TLE1: variants seen among roughly 807,000 people sequenced by gnomAD.
TLE1 encodes TLE family member 1, transcriptional corepressor, also known as transducin-like enhancer protein 1.
TLE1 carries 21 observed loss-of-function variants against 89.8 expected under a neutral mutation model. The observed-to-expected ratio is 0.23, with a 90% CI of 0.17 to 0.34. TLE1 has a LOEUF of 0.34. TLE1 is among the 10% of genes least tolerant of loss of function. The pLI, the probability that TLE1 is intolerant of heterozygous loss-of-function variation, is 1.00. For synonymous variants in TLE1, 447 were observed against 407.6 expected (o/e 1.10, Z -1.16); for missense variants, 795 against 1,031.2 (o/e 0.77, Z 3.14).
intron 6 of TLE1, among the ~76,000 whole-genome samples, chr9:81,634,781 T>C (rs935355858): frequency 3.3e-5 from 5 of 152,132 alleles, no homozygotes; most frequent in Non-Finnish European, 7.4e-5. Flanking sequence ...CATCCCACAA[T>C]ATAGTAGCCA....
intron 14 of TLE1, among the ~76,000 whole-genome samples, chr9:81,599,421 A>G (rs530690023): frequency 3.3e-5 from 5 of 152,174 alleles, no homozygotes; most frequent in South Asian, 2.1e-4. Flanking sequence ...CGTGAGCAAC[A>G]TAAGGCATGT....
intron 11 of TLE1, among the ~76,000 whole-genome samples, chr9:81,615,727 A>AAG (rs1373733149): frequency 6.1e-5 from 9 of 147,122 alleles, no homozygotes; most frequent in East Asian, 2.0e-4. Flanking sequence ...AAAAAAAAAA[A>AAG]AAGAAGAAGA....
intron 13 of TLE1, 77 bp downstream of exon 13, chr9:81,611,692 T>G (rs1823728370): frequency 4.5e-6 from 6 of 1,335,472 alleles, no homozygotes; most frequent in South Asian, 3.9e-5. Flanking sequence ...CAGAGAGGCC[T>G]GGCCCCAAAC....
chr9:81,636,537 C>T (rs1182712730), intron 6 of TLE1, among the ~76,000 whole-genome samples: 1 of 151,994 alleles, frequency 6.6e-6, no homozygotes, highest in African/African-American at 2.4e-5. Flanking sequence ...ATGAGAGAGG[C>T]TAAGCAGAGG....
rs368206711 is a variant in TLE1 at position 81,598,077 on chromosome 9, C to T, written c.1332-4803G>A. Among the ~76,000 whole-genome samples the T allele has an allele frequency of 5.3e-5, 8 of 152,286 alleles. No individual in the cohort carries two copies. The East Asian group carries it at 9.7e-4, about 18-fold the overall frequency. On this transcript the variant is annotated intron_variant, in intron 14 of 19. Transcript: ENST00000376499. ...GGCTGTGGTCAAGCCCCGCTGCCTACGGACTTGGCACTCTGGATGTGAAAT... is the reference window on the plus strand; with the variant it reads ...GGCTGTGGTCAAGCCCCGCTGCCTATGGACTTGGCACTCTGGATGTGAAAT...
At chr9:81,664,984 GT>G (rs141691769) in intron 4 of TLE1, among the ~76,000 whole-genome samples, 4,260 of 152,230 alleles carry the variant, frequency 0.028, 220 homozygotes, top group African/African-American at 0.095. Flanking sequence ...CACCTGCCAG[GT>G]GCTCTGACAC....
Position 81,613,547 on chromosome 9 carries a change from A to G in TLE1, c.919-26T>C, listed in dbSNP as rs779913750. 6.2e-6 allele frequency: 10 copies of G among 1,611,680 alleles called. No homozygotes were observed. The African/African-American group carries it at 1.3e-4, about 22-fold the overall frequency. On this transcript the variant is annotated intron_variant, in intron 11 of 19. Transcript: ENST00000376499. Reference sequence around the variant, plus strand: ...CTGGTGTCATTAAACAAATTAAATGAGTATTATTTTTAATCCAAGCCATAT... The same window carrying G: ...CTGGTGTCATTAAACAAATTAAATGGGTATTATTTTTAATCCAAGCCATAT...
At position 81,591,072 on chromosome 9, in the gene TLE1, C is replaced by T. The variant is rs749019160; in HGVS notation, c.1582-20G>A. The T allele has an allele frequency of 1.9e-6, 3 of 1,604,466 alleles. No individual in the cohort carries two copies. Among genetic ancestry groups the T allele is most frequent in the Non-Finnish European group, 2.6e-6 (3 of 1,172,572 alleles). Reference sequence around the variant, plus strand: ...TCTGTTCTGTAGAATAAACATAATTCATTGCTATAATGAATTACCGAGCAA... The same window carrying T: ...TCTGTTCTGTAGAATAAACATAATTTATTGCTATAATGAATTACCGAGCAA... On this transcript the variant is annotated intron_variant, in intron 15 of 19. Coordinates refer to ENST00000376499, the MANE Select transcript of TLE1 (RefSeq NM_005077.5).
At chr9:81,589,844 C>A (rs76625462) in intron 16 of TLE1, among the ~76,000 whole-genome samples, 12,995 of 152,218 alleles carry the variant, frequency 0.085, 740 homozygotes, top group Admixed American at 0.12. Context: ...ATTTTGCTCA[C>A]CTACACTACC....
At chr9:81,682,402 A>G (rs989498322) in intron 4 of TLE1, among the ~76,000 whole-genome samples, 1 of 152,034 alleles carries the variant, frequency 6.6e-6, no homozygotes, top group African/African-American at 2.4e-5. Context: ...TACCCAATCT[A>G]CTCTGGAGGA....
intron 15 of TLE1, among the ~76,000 whole-genome samples, chr9:81,591,789 T>C (rs1452939839): frequency 6.6e-6 from 1 of 152,214 alleles, no homozygotes; most frequent in Non-Finnish European, 1.5e-5. Context: ...AAGAATTTCA[T>C]GAATGAAGAC....
At chr9:81,596,016 A>G (rs1485941992) in intron 14 of TLE1, among the ~76,000 whole-genome samples, 2 of 152,032 alleles carry the variant, frequency 1.3e-5, no homozygotes, top group Non-Finnish European at 2.9e-5. Flanking sequence ...TCCATGAGGC[A>G]CCCTTTCATC....
At chr9:81,595,814 C>CAA (rs11301991) in intron 14 of TLE1, among the ~76,000 whole-genome samples, 3 of 106,648 alleles carry the variant, frequency 2.8e-5, no homozygotes, top group East Asian at 2.7e-4. Context: ...GACTCTGTCT[C>CAA]AAAAAAAAAA....
At chr9:81,687,892 G>C (rs1007910306) in intron 1 of TLE1, among the ~76,000 whole-genome samples, 5 of 152,110 alleles carry the variant, frequency 3.3e-5, no homozygotes, top group Non-Finnish European at 7.4e-5. Context: ...AAATAGGCGA[G>C]AGGAGAAACA....
rs531369516 is a variant in TLE1, at chr9:81,660,564, C to T, written c.235-6528G>A. 2.9e-3 allele frequency among the ~76,000 whole-genome samples: 432 copies of T among 151,544 alleles called. 1 individual carries two copies. The highest frequency in any genetic ancestry group is 4.2e-3 in the Non-Finnish European group (286 of 67,852). On this transcript the variant is annotated intron_variant, in intron 4 of 19. Transcript: ENST00000376499. ...GAGTAGCTGGGACTACAGGTGCCTG[C>T]TACCACACCCGGCTAATTTTTTTTT...
At chr9:81,679,115 T>A (rs943752081) in intron 4 of TLE1, among the ~76,000 whole-genome samples, 4 of 152,090 alleles carry the variant, frequency 2.6e-5, no homozygotes, top group African/African-American at 7.2e-5. Flanking sequence ...GCTACTATAC[T>A]CCAGTCTGGG....
At chr9:81,590,058 A>T (rs549047973) in intron 16 of TLE1, among the ~76,000 whole-genome samples, 53 of 152,356 alleles carry the variant, frequency 3.5e-4, no homozygotes, top group African/African-American at 1.1e-3. Flanking sequence ...CACCATCCGC[A>T]GGGACGGCTT....
At chr9:81,677,244 C>A (rs998358524) in intron 4 of TLE1, among the ~76,000 whole-genome samples, 37 of 147,988 alleles carry the variant, frequency 2.5e-4, no homozygotes, top group East Asian at 1.0e-3. Context: ...CTTCCCCCCC[C>A]CAAAAAAAAG....
Position 81,596,257 on chromosome 9 carries a change from G to A in TLE1, c.1332-2983C>T, listed in dbSNP as rs188714716. 4.7e-4 allele frequency among the ~76,000 whole-genome samples: 72 copies of A among 152,258 alleles called. No individual in the cohort carries two copies. In the South Asian group the frequency reaches 0.012, roughly 25 times the overall value. Reference sequence around the variant, plus strand: ...ATTTAAAATTGATTCACAATGCAGCGAGCTGCTGTCAGAAGCTGTGAACAC... The same window carrying A: ...ATTTAAAATTGATTCACAATGCAGCAAGCTGCTGTCAGAAGCTGTGAACAC... On this transcript the variant is annotated intron_variant, in intron 14 of 19. Transcript: ENST00000376499.
Sources: allele counts gnomAD v4.1 joint callset (sites outside exome capture counted in the v4.1 genomes callset), GRCh38; gene constraint gnomAD v4.1.1; transcripts MANE v1.5; gene names NCBI Gene and HGNC (gene_info 2026-07-23, HGNC 2026-07-21).